The following DYNC2I1 variants were observed in gnomAD, a reference collection of about 807,000 sequenced individuals.
The protein encoded by DYNC2I1 is dynein 2 intermediate chain 1.
In DYNC2I1, 89 loss-of-function variants were observed where a neutral mutation model predicts 133.4. The ratio of observed to expected loss-of-function variants is 0.67; its 90% CI spans 0.56 to 0.80. DYNC2I1 has a LOEUF of 0.80. Ranked by LOEUF, DYNC2I1 falls within the 30% of genes least tolerant of loss-of-function variation. DYNC2I1 has a pLI of 0.00. For synonymous variants in DYNC2I1, 504 were observed against 484.3 expected (o/e 1.04, Z -0.54); for missense variants, 1,291 against 1,314.5 (o/e 0.98, Z 0.28).
chr7:158,940,259 G>T (rs1277025461), intron 23 of DYNC2I1, among the ~76,000 whole-genome samples: 1 of 152,142 alleles, frequency 6.6e-6, no homozygotes, highest in Non-Finnish European at 1.5e-5. Flanking sequence ...TCAGGCATTA[G>T]ATTCTCATGA....
At chr7:158,942,842 G>A (rs961369482) in intron 24 of DYNC2I1, among the ~76,000 whole-genome samples, 3 of 152,192 alleles carry the variant, frequency 2.0e-5, no homozygotes, top group East Asian at 1.9e-4. Context: ...GTCAGTTCAC[G>A]TGATGTCACT....
At chr7:158,866,031 G>A (rs1842372941) in intron 1 of DYNC2I1, among the ~76,000 whole-genome samples, 1 of 152,170 alleles carries the variant, frequency 6.6e-6, no homozygotes, top group South Asian at 2.1e-4. Flanking sequence ...AGAGGCCGAA[G>A]AAAAATCCTG....
chr7:158,898,476 T>G (rs998475778), intron 8 of DYNC2I1, among the ~76,000 whole-genome samples: 7 of 152,248 alleles, frequency 4.6e-5, no homozygotes, highest in Non-Finnish European at 8.8e-5. Flanking sequence ...TCTTTATCAT[T>G]GTGTAATGCC....
intron 14 of DYNC2I1, among the ~76,000 whole-genome samples, chr7:158,917,451 CT>C (rs1848562171): frequency 5.6e-5 from 2 of 35,876 alleles, no homozygotes; most frequent in African/African-American, 1.3e-4. Context: ...CGCTAAACAC[CT>C]CCTGTCCTCC....
At chr7:158,865,538 C>T (rs919424788) in intron 1 of DYNC2I1, among the ~76,000 whole-genome samples, 6 of 152,340 alleles carry the variant, frequency 3.9e-5, no homozygotes, top group Non-Finnish European at 5.9e-5. Flanking sequence ...TGGCCCAGGA[C>T]AGGTGCTTGC....
intron 7 of DYNC2I1, among the ~76,000 whole-genome samples, chr7:158,889,547 C>CT (rs112020093): frequency 6.6e-6 from 1 of 152,110 alleles, no homozygotes; most frequent in African/African-American, 2.4e-5. Flanking sequence ...AATTTTGTCT[C>CT]TAAGCTCCAG....
At chr7:158,905,108 G>A (rs1846632497) in intron 10 of DYNC2I1, 2 of 413,140 alleles carry the variant, frequency 4.8e-6, no homozygotes, top group Non-Finnish European at 9.5e-6. Context: ...AAAGGATTGG[G>A]GATGGAGTTG....
intron 6 of DYNC2I1, among the ~76,000 whole-genome samples, chr7:158,885,970 A>G (rs1844556897): frequency 6.6e-6 from 1 of 150,932 alleles, no homozygotes; most frequent in South Asian, 2.1e-4. Context: ...TGTGATTAAA[A>G]TATAAAACAT....
At chr7:158,952,083 C>T (rs186743889) in intron 4 of DYNC2I1, among the ~76,000 whole-genome samples, 5 of 152,252 alleles carry the variant, frequency 3.3e-5, no homozygotes, top group East Asian at 1.9e-4. Flanking sequence ...GGCAAGGTCG[C>T]GGTGGAAATC....
At chr7:158,859,058 C>T (rs544713811) in intron 1 of DYNC2I1, among the ~76,000 whole-genome samples, 37 of 138,104 alleles carry the variant, frequency 2.7e-4, no homozygotes, top group African/African-American at 9.3e-4. Flanking sequence ...TGCAGTGACA[C>T]GCTCACAGCT....
At chr7:158,857,610 TTAC>T (rs1841412311) in intron 1 of DYNC2I1, among the ~76,000 whole-genome samples, 1 of 149,906 alleles carries the variant, frequency 6.7e-6, no homozygotes, top group Non-Finnish European at 1.5e-5. Context: ...CGAACTTGGC[TTAC>T]TGCAACCTCC....
chr7:158,927,068 T>C (rs1323277571), intron 20 of DYNC2I1, 25 bp downstream of exon 20: 43 of 1,518,850 alleles, frequency 2.8e-5, no homozygotes, highest in Non-Finnish European at 3.7e-5. Flanking sequence ...AAAAAATTAA[T>C]TTTAGTGTTT....
chr7:158,872,550 G>A (rs1842978585), intron 3 of DYNC2I1, among the ~76,000 whole-genome samples: 1 of 152,056 alleles, frequency 6.6e-6, no homozygotes, highest in African/African-American at 2.4e-5. Context: ...CAGGGGAATT[G>A]CTTGAACCAG....
intron 11 of DYNC2I1, among the ~76,000 whole-genome samples, chr7:158,906,954 G>C (rs1846882278): frequency 6.6e-6 from 1 of 152,134 alleles, no homozygotes; most frequent in African/African-American, 2.4e-5. Flanking sequence ...TGAGCAAGGA[G>C]GAGTTCAAGG....
At chr7:158,920,982 A>T (rs1039328641) in intron 15 of DYNC2I1, among the ~76,000 whole-genome samples, 1 of 152,166 alleles carries the variant, frequency 6.6e-6, no homozygotes, top group South Asian at 2.1e-4. Flanking sequence ...TCATCTTGAC[A>T]AATGTTCTGT....
intron 5 of DYNC2I1, among the ~76,000 whole-genome samples, chr7:158,882,370 G>A (rs1310129924): frequency 6.6e-6 from 1 of 152,046 alleles, no homozygotes; most frequent in Non-Finnish European, 1.5e-5. Flanking sequence ...GATCTGTTGA[G>A]CCCAGGAGTT....
chr7:158,923,457 G>T lies in DYNC2I1; in HGVS notation c.2095-114G>T. 2.1e-6 allele frequency: 3 copies of T among 1,411,440 alleles called. No homozygotes were observed. The South Asian group carries it at 3.6e-5, about 17-fold the overall frequency. 87.4% of individuals were successfully genotyped at this position (1,411,440 alleles called of 1,614,324 possible). ...ACGTTCTGCTTACTGGGCCCTGCAG[G>T]TGACTCCCGTGCAAAGTGAAACATG... On this transcript the variant is annotated intron_variant, in intron 16 of 24. Coordinates refer to ENST00000407559, the MANE Select transcript of DYNC2I1 (RefSeq NM_018051.5).
At chr7:158,849,012 G>C in the DYNC2I1 span, among the ~76,000 whole-genome samples, 1 of 152,186 alleles carries the variant, frequency 6.6e-6, no homozygotes, top group African/African-American at 2.4e-5. Context: ...ATTTGCCCCA[G>C]ATTGGAGAAA....
chr7:158,934,289 A>C (rs909239363), intron 22 of DYNC2I1, 61 bp downstream of exon 22: 47 of 1,552,344 alleles, frequency 3.0e-5, no homozygotes, highest in Non-Finnish European at 3.9e-5. Context: ...GACTTACCTG[A>C]TAAATATCTT....
Sources: allele counts gnomAD v4.1 joint callset (sites outside exome capture counted in the v4.1 genomes callset), GRCh38; gene constraint gnomAD v4.1.1; transcripts MANE v1.5; gene names NCBI Gene and HGNC (gene_info 2026-07-23, HGNC 2026-07-21).